Variants in SV2B observed in about 807,000 individuals in gnomAD.
SV2B encodes the protein synaptic vesicle glycoprotein 2B.
A neutral mutation model predicts 73.9 loss-of-function variants in SV2B; 41 were observed. That is an observed-to-expected ratio of 0.56 (90% confidence interval 0.43 to 0.72). The LOEUF is 0.72. SV2B is among the 30% of genes least tolerant of loss of function. SV2B has a pLI of 0.00. For synonymous variants in SV2B, 314 were observed against 314.2 expected (o/e 1.00, Z 0.01); for missense variants, 764 against 857.8 (o/e 0.89, Z 1.37).
In SV2B at chr15:91,224,362, A is replaced by G. The variant is rs1245697679; in HGVS notation, c.-391-1511A>G. Among the ~76,000 whole-genome samples the G allele has an allele frequency of 6.6e-6, 1 of 152,032 alleles. No individual in the cohort carries two copies. Among genetic ancestry groups the G allele is most frequent in the Non-Finnish European group, 1.5e-5 (1 of 67,990 alleles). On this transcript the variant is annotated intron_variant, in intron 1 of 12. Transcript: ENST00000394232. This position sits in a 1 kb window ranked among gnomAD's most constrained non-coding sequence, Gnocchi z 4.9. ...CCTCAATGTGTGAGGTCCGAGCATT[A>G]TCCCTATCAGAGGGTCCAGCAGCTG...
intron 12 of SV2B, among the ~76,000 whole-genome samples, chr15:91,292,131 A>C (rs1471001306): frequency 6.6e-6 from 1 of 152,194 alleles, no homozygotes; most frequent in Non-Finnish European, 1.5e-5. Context: ...ACTTGAAGAA[A>C]ATACTTCAAA....
intron 1 of SV2B, among the ~76,000 whole-genome samples, chr15:91,149,024 A>G (rs572362437): frequency 2.0e-5 from 3 of 152,256 alleles, no homozygotes; most frequent in Non-Finnish European, 4.4e-5. Flanking sequence ...CGCATTGACC[A>G]GGACAGAGGG....
intron 2 of SV2B, among the ~76,000 whole-genome samples, chr15:91,248,197 T>C (rs1369716977): frequency 6.6e-6 from 1 of 151,990 alleles, no homozygotes; most frequent in Non-Finnish European, 1.5e-5. Flanking sequence ...GGTGGGCGCC[T>C]GTAGTCCCAG....
chr15:91,251,700 T>G (rs1048222573), intron 2 of SV2B, 119 bp from the exon 3 acceptor site: 8 of 1,198,156 alleles, frequency 6.7e-6, no homozygotes, highest in Admixed American at 2.8e-5. Flanking sequence ...CACCATTTTG[T>G]GTCTATGACA....
intron 1 of SV2B, among the ~76,000 whole-genome samples, chr15:91,143,155 G>A (rs2043045709): frequency 6.6e-6 from 1 of 152,230 alleles, no homozygotes; most frequent in African/African-American, 2.4e-5. Flanking sequence ...AAGACTGGAG[G>A]ACGGCTTGGT....
chr15:91,272,075 C>A (rs955233971), intron 9 of SV2B, among the ~76,000 whole-genome samples: 3 of 152,238 alleles, frequency 2.0e-5, no homozygotes, highest in Middle Eastern at 3.4e-3. Flanking sequence ...CAAGAAGAAA[C>A]AAAAGTGCCA....
In SV2B at chr15:91,253,265, T is replaced by C. The variant is rs765130382; in HGVS notation, c.784+745T>C. Among the ~76,000 whole-genome samples, 57 of 152,214 alleles carry C rather than the reference T, an allele frequency of 3.7e-4. No individual in the cohort carries two copies. Among genetic ancestry groups the C allele is most frequent in the Non-Finnish European group, 7.2e-4 (49 of 68,030 alleles). On this transcript the variant is annotated intron_variant, in intron 4 of 12. Transcript: ENST00000394232. The surrounding 1 kb of genome is among the most constrained non-coding windows in gnomAD (Gnocchi z 5.0). Reference sequence around the variant, plus strand: ...CATCATCATTCAAAATCATTTTTGGTAAATCACTGATTATGAGTATAGGTT... The same window carrying C: ...CATCATCATTCAAAATCATTTTTGGCAAATCACTGATTATGAGTATAGGTT...
chr15:91,185,047 T>C lies in SV2B; in HGVS notation c.-391-40826T>C, dbSNP rs187180313. Among the ~76,000 whole-genome samples, 5 of 152,366 alleles carry C rather than the reference T, an allele frequency of 3.3e-5. No homozygotes were observed. The South Asian group carries it at 8.3e-4, about 25-fold the overall frequency. ...GAACTTTCTTCTGAAACAGATGTTC[T>C]GTCCATCCAATTGAATATCAGTTAA... On this transcript the variant is annotated intron_variant, in intron 1 of 12. Transcript: ENST00000394232.
intron 1 of SV2B, among the ~76,000 whole-genome samples, chr15:91,134,720 A>T (rs896310863): frequency 2.0e-5 from 3 of 152,222 alleles, no homozygotes; most frequent in African/African-American, 7.2e-5. Flanking sequence ...AGTGCCAGGC[A>T]CAATTCCTAA....
intron 1 of SV2B, among the ~76,000 whole-genome samples, chr15:91,104,911 C>T (rs543361700): frequency 7.2e-5 from 11 of 152,248 alleles, no homozygotes; most frequent in South Asian, 2.1e-4. Context: ...GGATTACAGG[C>T]GTGAGCCACC....
chr15:91,272,315 G>T (rs1267258740), intron 9 of SV2B, among the ~76,000 whole-genome samples: 1 of 152,160 alleles, frequency 6.6e-6, no homozygotes, highest in Non-Finnish European at 1.5e-5. Context: ...CCCAGAATAT[G>T]TATTAACTAA....
intron 1 of SV2B, among the ~76,000 whole-genome samples, chr15:91,196,794 A>T (rs1216439878): frequency 6.6e-6 from 1 of 152,196 alleles, no homozygotes; most frequent in Non-Finnish European, 1.5e-5. Context: ...TTGCAGTAAA[A>T]TGAGTGATAG....
At chr15:91,270,338 G>A (rs770229333) in intron 9 of SV2B, among the ~76,000 whole-genome samples, 7 of 152,184 alleles carry the variant, frequency 4.6e-5, no homozygotes, top group Non-Finnish European at 7.3e-5. Flanking sequence ...AGTGCCTTAC[G>A]TAGATATCTC....
At chr15:91,191,059 G>GTTTTTTTTTTTTTTTTTT (rs1161482690) in intron 1 of SV2B, among the ~76,000 whole-genome samples, 15 of 59,740 alleles carry the variant, frequency 2.5e-4, no homozygotes, top group Non-Finnish European at 3.9e-4. Flanking sequence ...TTTTTTTGGT[G>GTTTTTTTTTTTTTTTTTT]TTTCTTTTTT....
chr15:91,274,091 A>G (rs145848536), intron 9 of SV2B, among the ~76,000 whole-genome samples: 187 of 152,340 alleles, frequency 1.2e-3, no homozygotes, highest in African/African-American at 4.4e-3. Context: ...TGCATATTTC[A>G]TAATGTATCC....
At chr15:91,181,595 A>C (rs999482893) in intron 1 of SV2B, among the ~76,000 whole-genome samples, 13 of 151,882 alleles carry the variant, frequency 8.6e-5, no homozygotes, top group Admixed American at 6.6e-4. Context: ...TAAGAACACT[A>C]TTTCTTACTA....
chr15:91,230,455 G>A (rs1035949014), intron 2 of SV2B, among the ~76,000 whole-genome samples: 2 of 152,110 alleles, frequency 1.3e-5, no homozygotes, highest in Non-Finnish European at 2.9e-5. Context: ...CCTTGGCCAG[G>A]TGACAAAAAT....
At chr15:91,111,033 A>G (rs984572389) in intron 1 of SV2B, among the ~76,000 whole-genome samples, 11 of 152,136 alleles carry the variant, frequency 7.2e-5, no homozygotes, top group African/African-American at 1.9e-4. Context: ...ATTTCCCATG[A>G]TGGATAAGGT....
intron 6 of SV2B, among the ~76,000 whole-genome samples, chr15:91,264,130 C>T (rs981238271): frequency 1.3e-5 from 2 of 152,256 alleles, no homozygotes; most frequent in Admixed American, 1.3e-4. Context: ...TCTAGGGTGT[C>T]TCGTACAGAA....
Sources: gnomAD v4.1 joint callset for allele counts (sites outside exome capture counted in the v4.1 genomes callset) on GRCh38, gnomAD v4.1.1 for gene constraint, Gnocchi (gnomAD v3.1) non-coding constraint, MANE v1.5 for transcripts, NCBI Gene and HGNC (gene_info 2026-07-23, HGNC 2026-07-21) for gene names.